The following SHISAL1 variants were observed in gnomAD, a reference collection of about 807,000 sequenced individuals.
SHISAL1 encodes the protein shisa like 1.
SHISAL1 carries 9 observed loss-of-function variants against 22.6 expected under a neutral mutation model. That is an observed-to-expected ratio of 0.40 (90% CI 0.24 to 0.70). The LOEUF is 0.70. SHISAL1 is among the 30% of genes least tolerant of loss of function. SHISAL1 has a pLI of 0.39. For synonymous variants in SHISAL1, 119 were observed against 115.4 expected, an observed-to-expected ratio of 1.03 and a Z score of -0.20; for missense variants, 246 against 270.6, an observed-to-expected ratio of 0.91 and a Z score of 0.64.
At chr22:44,286,268 CCTCT>C (rs999423098) in intron 3 of SHISAL1, among the ~76,000 whole-genome samples, 2 of 152,176 alleles carry the variant, frequency 1.3e-5, no homozygotes, top group Non-Finnish European at 2.9e-5. Flanking sequence ...CCCTCTAGAC[CCTCT>C]CTCAGCCTCC....
chr22:44,274,015 C>T (rs775866467), intron 4 of SHISAL1, among the ~76,000 whole-genome samples: 8 of 152,028 alleles, frequency 5.3e-5, no homozygotes, highest in East Asian at 1.9e-4. Flanking sequence ...GTCAGGAGTT[C>T]GAGACCAGCC....
the SHISAL1 span, among the ~76,000 whole-genome samples, chr22:44,322,719 G>A: frequency 6.6e-6 from 1 of 152,148 alleles, no homozygotes; most frequent in Non-Finnish European, 1.5e-5. Flanking sequence ...AGGGAACCAA[G>A]GAGCCTGGGC....
At chr22:44,285,923 C>T (rs577639209) in intron 3 of SHISAL1, among the ~76,000 whole-genome samples, 178 bp from the exon 4 acceptor site, 12 of 152,264 alleles carry the variant, frequency 7.9e-5, no homozygotes, top group African/African-American at 1.4e-4. Flanking sequence ...CCTGCCTGTT[C>T]GCCTCCTTCC....
At chr22:44,309,423 TAC>T (rs1555932350) in intron 1 of SHISAL1, among the ~76,000 whole-genome samples, 28 of 152,190 alleles carry the variant, frequency 1.8e-4, no homozygotes, top group Non-Finnish European at 4.0e-4. Context: ...GGGCAGGAAG[TAC>T]AGACGAGGAG....
Position 44,300,852 on chromosome 22 carries a change from C to T in SHISAL1, c.67+27G>A, listed in dbSNP as rs201682110. The stretch of plus-strand genomic sequence containing the variant: ...AGCCCACACCCCCACGTGCCGCCCC[C>T]GCCCCCAGCATCCACGGAGGTTTTA... On this transcript the variant is annotated intron_variant, in intron 2 of 4. Transcript: ENST00000381176. 443 of 1,608,828 alleles carry T rather than the reference C, an allele frequency of 2.8e-4. 2 individuals are homozygous for T. The highest frequency in any genetic ancestry group is 4.5e-4 in the Admixed American group (27 of 60,026).
In SHISAL1 at chr22:44,285,430, G is replaced by T. The variant is rs925049962; in HGVS notation, c.597C>A (p.Ala199=). Residue 199 remains alanine, a splice_region_variant and synonymous_variant, in exon 4 of 5, where the codon GCC becomes GCA. Coordinates refer to ENST00000381176, the MANE Select transcript of SHISAL1 (RefSeq NM_001099294.2). The part of the protein sequence containing the change: ...PPLMTFQSSS[A] ...GGGTCTCAATTGTAGCCACTCACCA[G>T]GCAGACGAACTCTGGAAGGTCATCA... 6.2e-7 allele frequency: 1 copy of T among 1,613,960 alleles called. No homozygotes were observed. Among genetic ancestry groups the T allele is most frequent in the Non-Finnish European group, 8.5e-7 (1 of 1,179,858 alleles).
chr22:44,292,546 G>A (rs1270541419), intron 3 of SHISAL1, among the ~76,000 whole-genome samples: 1 of 152,316 alleles, frequency 6.6e-6, no homozygotes, highest in African/African-American at 2.4e-5. Flanking sequence ...CAGGTGTCTT[G>A]CCCAGAGGAG....
intron 1 of SHISAL1, among the ~76,000 whole-genome samples, chr22:44,308,917 G>T (rs11347258): frequency 0.47 from 71,200 of 151,806 alleles, 17,521 homozygotes; most frequent in Admixed American, 0.6. Context: ...GTCATGGGGG[G>T]CGGGAGGCTG....
upstream of SHISAL1, among the ~76,000 whole-genome samples, chr22:44,313,179 C>CA (rs1321004058): frequency 1.3e-5 from 2 of 152,248 alleles, no homozygotes; most frequent in Non-Finnish European, 2.9e-5. Context: ...TGAGATCCCA[C>CA]AGCTAGAAGC....
intron 1 of SHISAL1, among the ~76,000 whole-genome samples, chr22:44,301,661 C>G (rs1003636545): frequency 6.6e-6 from 1 of 152,138 alleles, no homozygotes; most frequent in Non-Finnish European, 1.5e-5. Context: ...ACCCATGTGC[C>G]CATCGAGGGA....
intron 4 of SHISAL1, among the ~76,000 whole-genome samples, chr22:44,273,288 C>T (rs1031727925): frequency 4.6e-5 from 7 of 152,130 alleles, no homozygotes; most frequent in African/African-American, 1.7e-4. Flanking sequence ...CTGTCAATTT[C>T]CCGAGCGTAA....
chr22:44,301,082 G>A (rs879134902), intron 1 of SHISAL1, 105 bp from the exon 2 acceptor site: 19 of 698,204 alleles, frequency 2.7e-5, no homozygotes, highest in Non-Finnish European at 4.0e-5. Context: ...GCAGGAGAGC[G>A]AGTTTGTCGG....
intron 1 of SHISAL1, among the ~76,000 whole-genome samples, chr22:44,302,107 G>A (rs1206971107): frequency 1.3e-5 from 2 of 152,138 alleles, no homozygotes; most frequent in African/African-American, 2.4e-5. Context: ...TTGGGAGGCC[G>A]AGGCTGGCGG....
chr22:44,261,509 C>T (rs1251521214), intron 4 of SHISAL1, among the ~76,000 whole-genome samples: 1 of 152,158 alleles, frequency 6.6e-6, no homozygotes, highest in African/African-American at 2.4e-5. Context: ...CAGGTCCCGG[C>T]TCTGCCCCTC....
At chr22:44,272,825 A>G (rs2055214117) in intron 4 of SHISAL1, among the ~76,000 whole-genome samples, 1 of 152,186 alleles carries the variant, frequency 6.6e-6, no homozygotes. Flanking sequence ...TGCACATAAG[A>G]AACACATTGG....
At position 44,300,932 on chromosome 22, in the gene SHISAL1, C is replaced by T; in HGVS notation, c.14G>A (p.Gly5Asp). Residue 5 changes from glycine (G) to aspartate (D), a missense_variant, in exon 2 of 5, where the codon GGC becomes GAC. Coordinates refer to ENST00000381176, the MANE Select transcript of SHISAL1 (RefSeq NM_001099294.2). MTSCGQQSLNVLAVL... is the reference protein window; with the variant it reads MTSCDQQSLNVLAVL... ...GGCGAGCACGTTCAAGGACTGCTGGCCACAACTGGTCATCGTCTGGCTTGC... is the reference window on the plus strand; with the variant it reads ...GGCGAGCACGTTCAAGGACTGCTGGTCACAACTGGTCATCGTCTGGCTTGC... 1 of 1,614,172 alleles carries T rather than the reference C, an allele frequency of 6.2e-7. No individual in the cohort carries two copies. The highest frequency in any genetic ancestry group is 8.5e-7 in the Non-Finnish European group (1 of 1,180,014).
chr22:44,319,709 G>A, the SHISAL1 span, among the ~76,000 whole-genome samples: 4 of 152,298 alleles, frequency 2.6e-5, no homozygotes, highest in East Asian at 1.9e-4. Context: ...TCTGGCTTTC[G>A]GCTCTCCTGC....
the SHISAL1 span, among the ~76,000 whole-genome samples, chr22:44,328,107 A>G: frequency 4.6e-4 from 70 of 152,296 alleles, no homozygotes; most frequent in African/African-American, 1.6e-3. Context: ...GCTTTCATCT[A>G]AGCATAAGGC....
intron 4 of SHISAL1, among the ~76,000 whole-genome samples, chr22:44,269,560 CA>C (rs2055191687): frequency 1.1e-4 from 16 of 147,428 alleles, no homozygotes; most frequent in Admixed American, 7.5e-4. Context: ...TACAACACTA[CA>C]CACACTACAC....
Sources: gnomAD v4.1 joint callset for allele counts (sites outside exome capture counted in the v4.1 genomes callset) on GRCh38, gnomAD v4.1.1 for gene constraint, MANE v1.5 for transcripts, NCBI Gene and HGNC (gene_info 2026-07-23, HGNC 2026-07-21) for gene names.